The following FRYL variants were observed in gnomAD, a reference collection of about 807,000 sequenced individuals.
FRYL encodes the protein protein furry homolog-like.
FRYL carries 150 observed loss-of-function variants against 351.2 expected under a neutral mutation model. The ratio of observed to expected loss-of-function variants is 0.43; its 90% CI spans 0.37 to 0.49. FRYL has a LOEUF of 0.49. Among genes scored for constraint, FRYL ranks in the 20% least tolerant of loss-of-function variants. The pLI is 0.00. For synonymous variants in FRYL, 1,153 were observed against 1,257.1 expected (o/e 0.92, Z 1.75); for missense variants, 3,036 against 3,619.3 (o/e 0.84, Z 4.13).
chr4:48,776,061 GA>G (rs1236676019), intron 1 of FRYL, among the ~76,000 whole-genome samples: 1 of 139,810 alleles, frequency 7.2e-6, no homozygotes, highest in Non-Finnish European at 1.6e-5. Context: ...AAAAGAAAAA[GA>G]AAAAAAGGAA....
chr4:48,564,342 A>T (rs1401833537), intron 30 of FRYL, among the ~76,000 whole-genome samples: 1 of 152,246 alleles, frequency 6.6e-6, no homozygotes, highest in African/African-American at 2.4e-5. Flanking sequence ...GTCTTCCAAC[A>T]GAGCCCTGAA....
At chr4:48,755,930 T>C (rs1351160373) in intron 1 of FRYL, among the ~76,000 whole-genome samples, 2 of 150,232 alleles carry the variant, frequency 1.3e-5, no homozygotes, top group Non-Finnish European at 3.0e-5. Flanking sequence ...ACATCAAAAA[T>C]TCAATTAAAA....
intron 4 of FRYL, among the ~76,000 whole-genome samples, chr4:48,630,812 C>T (rs754610124): frequency 6.6e-6 from 1 of 152,094 alleles, no homozygotes; most frequent in Non-Finnish European, 1.5e-5. Context: ...CAGCAAAAGC[C>T]ATTCACATTT....
At chr4:48,575,952 T>C (rs1241844851) in intron 24 of FRYL, 78 bp downstream of exon 24, 1 of 1,219,522 alleles carries the variant, frequency 8.2e-7, no homozygotes, top group African/African-American at 1.5e-5. Context: ...TTATTGTCCA[T>C]AAAAAGAAAT....
At chr4:48,564,375 T>G (rs1318311522) in intron 30 of FRYL, among the ~76,000 whole-genome samples, 2 of 152,218 alleles carry the variant, frequency 1.3e-5, no homozygotes, top group Non-Finnish European at 2.9e-5. Context: ...ATATGAATAG[T>G]GATTAGGTGC....
chr4:48,698,176 C>T (rs530113528), intron 2 of FRYL, among the ~76,000 whole-genome samples: 4 of 152,176 alleles, frequency 2.6e-5, no homozygotes, highest in Non-Finnish European at 5.9e-5. Flanking sequence ...ACAAAGGAGA[C>T]AGTCATCAAC....
At chr4:48,747,174 A>G (rs1174988074) in intron 1 of FRYL, among the ~76,000 whole-genome samples, 1 of 149,140 alleles carries the variant, frequency 6.7e-6, no homozygotes, top group Admixed American at 6.7e-5. Context: ...CCCCCCCAAA[A>G]AAAGATTCCA....
chr4:48,588,560 C>T (rs1295764889), intron 18 of FRYL, among the ~76,000 whole-genome samples: 1 of 152,214 alleles, frequency 6.6e-6, no homozygotes, highest in Non-Finnish European at 1.5e-5. Context: ...GACCACCTCT[C>T]AGGCACAGCA....
chr4:48,613,537 T>C (rs138532802), intron 7 of FRYL, among the ~76,000 whole-genome samples: 4 of 152,370 alleles, frequency 2.6e-5, no homozygotes, highest in African/African-American at 9.6e-5. Flanking sequence ...TCTATGTTTA[T>C]AACACTTGTT....
chr4:48,673,377 T>G (rs866900845), intron 3 of FRYL, among the ~76,000 whole-genome samples: 16 of 152,292 alleles, frequency 1.1e-4, no homozygotes, highest in Middle Eastern at 6.8e-3. Context: ...ATAGATACAC[T>G]AGTCTTTATT....
chr4:48,506,780 A>G (rs561023981), intron 59 of FRYL, among the ~76,000 whole-genome samples: 27 of 151,632 alleles, frequency 1.8e-4, no homozygotes, highest in Middle Eastern at 3.2e-3. Flanking sequence ...TGTACCCACA[A>G]AGAAAGAATT....
At chr4:48,675,820 C>G (rs568300572) in intron 3 of FRYL, among the ~76,000 whole-genome samples, 35 of 152,336 alleles carry the variant, frequency 2.3e-4, no homozygotes, top group African/African-American at 7.9e-4. Flanking sequence ...CTGGTGGGGC[C>G]TTGGAGAATC....
chr4:48,589,611 CTG>C (rs1742843121), intron 18 of FRYL, 132 bp downstream of exon 18: 1 of 777,904 alleles, frequency 1.3e-6, no homozygotes, highest in South Asian at 1.8e-5. Context: ...GAAGGAATCA[CTG>C]TATTGAAAAC....
chr4:48,758,424 A>G (rs1392257850), intron 1 of FRYL, among the ~76,000 whole-genome samples: 3 of 152,244 alleles, frequency 2.0e-5, no homozygotes, highest in Non-Finnish European at 4.4e-5. Context: ...GGCAAAGGAT[A>G]TGAACAGACA....
In FRYL at chr4:48,579,049, A is replaced by G. The variant is rs774318460; in HGVS notation, c.2452T>C (p.Cys818Arg). Reference sequence around the variant, plus strand: ...CAAGCATAGCTCACAGCTGTAGAGCAGTGTTTAGGAAGATTTTCTTGCTTT... The same window carrying G: ...CAAGCATAGCTCACAGCTGTAGAGCGGTGTTTAGGAAGATTTTCTTGCTTT... ...FLKQENLPKH[C>R]STAVSYAWMF... Residue 818 changes from cysteine to arginine, a missense_variant, in exon 23 of 64, where the codon TGC (cysteine) becomes CGC (arginine). Coordinates refer to ENST00000358350, the MANE Select transcript of FRYL (RefSeq NM_015030.2). 6.2e-7 allele frequency: 1 copy of G among 1,613,960 alleles called. No individual in the cohort carries two copies. The highest frequency in any genetic ancestry group is 1.1e-5 in the South Asian group (1 of 91,076).
intron 7 of FRYL, chr4:48,618,642 G>A (rs182810157): frequency 2.0e-5 from 3 of 149,622 alleles, no homozygotes; most frequent in East Asian, 3.9e-4. Flanking sequence ...TACTGATCTG[G>A]AGTAATAAAA....
intron 1 of FRYL, among the ~76,000 whole-genome samples, chr4:48,768,020 C>T (rs963284202): frequency 2.0e-5 from 3 of 152,178 alleles, no homozygotes; most frequent in Non-Finnish European, 1.5e-5. Flanking sequence ...TCTAATAATT[C>T]GGTAAGCACC....
chr4:48,729,527 C>T (rs1231560566), intron 1 of FRYL, among the ~76,000 whole-genome samples: 15 of 152,044 alleles, frequency 9.9e-5, no homozygotes, highest in African/African-American at 1.4e-4. Context: ...CTCTCTGGGA[C>T]GAAGCTTCTA....
intron 55 of FRYL, chr4:48,520,503 A>T (rs1044125344): frequency 6.6e-6 from 1 of 152,048 alleles, no homozygotes; most frequent in South Asian, 2.1e-4. Flanking sequence ...AATAATCTTT[A>T]AAAAAAACAC....
Sources: gnomAD v4.1 joint callset for allele counts (sites outside exome capture counted in the v4.1 genomes callset) on GRCh38, gnomAD v4.1.1 for gene constraint, MANE v1.5 for transcripts, NCBI Gene and HGNC (gene_info 2026-07-23, HGNC 2026-07-21) for gene names.